Variants in CILP2 observed in about 807,000 individuals in gnomAD.
CILP2 encodes the protein CILP-2.
CILP2 carries 38 observed loss-of-function variants against 45.6 expected under a neutral mutation model. That is an observed-to-expected ratio of 0.83 (90% CI 0.64 to 1.09). The LOEUF is 1.09. CILP2 is among the 50% of genes least tolerant of loss of function. The pLI, the probability that CILP2 is intolerant of heterozygous loss-of-function variation, is 0.00. For synonymous variants in CILP2, 780 were observed against 723.5 expected (o/e 1.08, Z -1.25); for missense variants, 1,735 against 1,662.2 (o/e 1.04, Z -0.76).
rs2061248944 is a variant in CILP2, at chr19:19,542,710, C to G, written c.868+60C>G. On this transcript the variant is annotated intron_variant, in intron 5 of 7. Coordinates refer to ENST00000291495, the MANE Select transcript of CILP2 (RefSeq NM_153221.2). The stretch of plus-strand genomic sequence containing the variant: ...TGAGGATCTGGGGAGGAAGTTCTAG[C>G]ACTCGATCAAGAGAGGAAGAAATGA... 1.9e-6 allele frequency: 3 copies of G among 1,586,590 alleles called. No individual in the cohort carries two copies. The Admixed American group carries it at 5.1e-5, about 27-fold the overall frequency.
intron 2 of CILP2, 32 bp from the exon 3 acceptor site, chr19:19,540,172 C>A: frequency 6.6e-7 from 1 of 1,526,614 alleles, no homozygotes. Context: ...TACAGGCCGC[C>A]GCCCTGGTCC....
Position 19,545,514 on chromosome 19 carries a change from G to A in CILP2, c.2969G>A (p.Cys990Tyr), listed in dbSNP as rs1206885018. ...DPERPGTSAA[C>Y]VEFKCSGMLF... ...GAGCGTCCGGGCACCTCGGCAGCCT[G>A]CGTGGAGTTCAAGTGCAGCGGGATG... is the stretch of plus-strand genomic sequence containing the variant. The change falls in exon 8 of 8, where the codon TGC becomes TAC. Residue 990 changes from cysteine to tyrosine, a missense_variant. Coordinates refer to ENST00000291495, the MANE Select transcript of CILP2 (RefSeq NM_153221.2). 6.2e-7 allele frequency: 1 copy of A among 1,612,484 alleles called. No individual in the cohort carries two copies. Among genetic ancestry groups the A allele is most frequent in the Non-Finnish European group, 8.5e-7 (1 of 1,179,844 alleles).
Position 19,545,934 on chromosome 19 carries a change from G to A in CILP2, c.3389G>A (p.Arg1130His), listed in dbSNP as rs748108512. ...ESPATALGDI[R>H]REMSEAAQAQ... ...CCGGCGACAGCACTTGGTGACATCC[G>A]CAGGGAGATGAGCGAGGCGGCGCAG... The change falls in exon 8 of 8, where the codon CGC (arginine) becomes CAC (histidine). Residue 1130 changes from arginine to histidine, a missense_variant. By Grantham distance (29) the Arg-to-His change is conservative. Transcript: ENST00000291495. 2.5e-6 allele frequency: 4 copies of A among 1,574,192 alleles called. No homozygotes were observed. The African/African-American group carries it at 4.1e-5, about 16-fold the overall frequency.
chr19:19,543,774 T>G lies in CILP2; in HGVS notation c.1229T>G (p.Leu410Arg). 6.2e-7 allele frequency: 1 copy of G among 1,613,896 alleles called. No homozygotes were observed. Among genetic ancestry groups the G allele is most frequent in the South Asian group, 1.1e-5 (1 of 91,062 alleles). Residue 410 changes from leucine (L) to arginine (R), a missense_variant, in exon 8 of 8, where the codon CTG becomes CGG. Transcript: ENST00000291495. ...CGQPGSGPAY[L>R]DVGLCPDTRC... Reference sequence around the variant, plus strand: ...CAGCCAGGTAGTGGCCCTGCCTACCTGGATGTGGGCCTCTGTCCCGACACC... The same window carrying G: ...CAGCCAGGTAGTGGCCCTGCCTACCGGGATGTGGGCCTCTGTCCCGACACC...
Position 19,543,397 on chromosome 19 carries a change from C to T in CILP2, c.1127C>T (p.Thr376Ile), listed in dbSNP as rs1189563359. ...GTGCGCTCGGGCACTGCCCGGCTCA[C>T]TGTACTTGGTGAGTGTCCTTGGCCA... Reference protein sequence around the residue: ...GAVRSGTARLTVLAPGQPACD... With the variant: ...GAVRSGTARLIVLAPGQPACD... The change falls in exon 7 of 8, where the codon ACT becomes ATT. Residue 376 changes from threonine (T) to isoleucine (I), a missense_variant. Physicochemically the swap from Thr to Ile is moderately conservative, Grantham distance 89. Transcript: ENST00000291495. The T allele has an allele frequency of 3.7e-6, 6 of 1,613,100 alleles. No homozygotes were observed. The Admixed American group carries it at 8.3e-5, about 22-fold the overall frequency.
chr19:19,543,596 T>A, intron 7 of CILP2, 85 bp from the exon 8 acceptor site: 2 of 1,422,930 alleles, frequency 1.4e-6, no homozygotes, highest in Non-Finnish European at 1.9e-6. Flanking sequence ...TTAGGTGGAG[T>A]CCTTGACTGC....
At chr19:19,540,602 A>G in intron 3 of CILP2, 126 bp downstream of exon 3, 1 of 1,106,584 alleles carries the variant, frequency 9.0e-7, no homozygotes, top group Non-Finnish European at 1.2e-6. Flanking sequence ...GGCTGGGAAG[A>G]GCCGGGGGAC....
In CILP2 at chr19:19,544,961, A is replaced by T. The variant is rs774242977; in HGVS notation, c.2416A>T (p.Thr806Ser). The change falls in exon 8 of 8, where the codon ACC becomes TCC. Residue 806 changes from threonine to serine, a missense_variant. Physicochemically the swap from Thr to Ser is moderately conservative, Grantham distance 58. Transcript: ENST00000291495. The part of the protein sequence containing the change: ...FCDADRPDAY[T>S]ALVTATLGGE... Reference sequence around the variant, plus strand: ...CGACGCCGACAGGCCAGACGCCTACACCGCCCTGGTCACCGCCACCCTGGG... The same window carrying T: ...CGACGCCGACAGGCCAGACGCCTACTCCGCCCTGGTCACCGCCACCCTGGG... The T allele has an allele frequency of 2.5e-6, 4 of 1,596,734 alleles. No individual in the cohort carries two copies. The highest frequency in any genetic ancestry group is 3.4e-6 in the Non-Finnish European group (4 of 1,178,152).
rs748985389 is a variant in CILP2, at chr19:19,544,553, A to G, written c.2008A>G (p.Ile670Val). The G allele has an allele frequency of 3.2e-6, 5 of 1,580,410 alleles. No individual in the cohort carries two copies. Among genetic ancestry groups the G allele is most frequent in the Admixed American group, 1.7e-5 (1 of 57,414 alleles). Residue 670 changes from isoleucine (I) to valine (V), a missense_variant, in exon 8 of 8, where the codon ATC becomes GTC. By Grantham distance (29) the Ile-to-Val change is conservative. Transcript: ENST00000291495. Reference protein sequence around the residue: ...PVAVRVAASQIHMPGHVEALK... With the variant: ...PVAVRVAASQVHMPGHVEALK... ...GGCCGTGCGGGTGGCCGCCAGCCAG[A>G]TCCACATGCCAGGCCACGTGGAGGC...
Position 19,546,123 on chromosome 19 carries a change from C to A in CILP2, c.*107C>A. 1 of 868,244 alleles carries A rather than the reference C, an allele frequency of 1.2e-6. No individual in the cohort carries two copies. The highest frequency in any genetic ancestry group is 1.6e-6 in the Non-Finnish European group (1 of 619,834). 53.8% of individuals were successfully genotyped at this position (868,244 alleles called of 1,614,324 possible). On this transcript the variant is annotated 3_prime_UTR_variant, in exon 8 of 8. Coordinates refer to ENST00000291495, the MANE Select transcript of CILP2 (RefSeq NM_153221.2). Reference sequence around the variant, plus strand: ...AGCCCCCTCCCCAGGTGTCTGGGTCCCCTTTCCCGCCCCTTTCCAGAACTC... The same window carrying A: ...AGCCCCCTCCCCAGGTGTCTGGGTCACCTTTCCCGCCCCTTTCCAGAACTC...
Position 19,543,370 on chromosome 19 carries a change from C to T in CILP2, c.1100C>T (p.Ala367Val). The T allele has an allele frequency of 6.2e-7, 1 of 1,613,402 alleles. No homozygotes were observed. The highest frequency in any genetic ancestry group is 1.1e-5 in the South Asian group (1 of 91,084). The change falls in exon 7 of 8, where the codon GCC (alanine) becomes GTC (valine). Residue 367 changes from alanine (A) to valine (V), a missense_variant. Physicochemically the swap from Ala to Val is moderately conservative, Grantham distance 64 (BLOSUM62 0). Coordinates refer to ENST00000291495, the MANE Select transcript of CILP2 (RefSeq NM_153221.2). ...YHCKAWNEAG[A>V]VRSGTARLTV... Reference sequence around the variant, plus strand: ...TGCAAGGCATGGAATGAGGCGGGTGCCGTGCGCTCGGGCACTGCCCGGCTC... The same window carrying T: ...TGCAAGGCATGGAATGAGGCGGGTGTCGTGCGCTCGGGCACTGCCCGGCTC...
In CILP2 at chr19:19,544,571, G is replaced by A. The variant is rs549179237; in HGVS notation, c.2026G>A (p.Val676Met). 2.7e-5 allele frequency: 43 copies of A among 1,576,734 alleles called. No homozygotes were observed. Among genetic ancestry groups the A allele is most frequent in the Non-Finnish European group, 3.3e-5 (39 of 1,167,590 alleles). The change falls in exon 8 of 8, where the codon GTG becomes ATG. Residue 676 changes from valine to methionine, a missense_variant. Val to Met is a conservative substitution (Grantham distance 21). Transcript: ENST00000291495. Reference sequence around the variant, plus strand: ...CAGCCAGATCCACATGCCAGGCCACGTGGAGGCCCTCAAGCTGTGGTCGCT... The same window carrying A: ...CAGCCAGATCCACATGCCAGGCCACATGGAGGCCCTCAAGCTGTGGTCGCT... ...AASQIHMPGHVEALKLWSLNP... is the reference protein window; with the variant it reads ...AASQIHMPGHMEALKLWSLNP...
At chr19:19,539,126 G>T (rs972015619) in intron 1 of CILP2, among the ~76,000 whole-genome samples, 2 of 152,204 alleles carry the variant, frequency 1.3e-5, no homozygotes, top group Non-Finnish European at 2.9e-5. Context: ...CAGCCGGGGG[G>T]TTAGGGCTAG....
chr19:19,544,222 G>T lies in CILP2; in HGVS notation c.1677G>T (p.Pro559=), dbSNP rs548226283. The T allele has an allele frequency of 1.2e-6, 2 of 1,613,948 alleles. No individual in the cohort carries two copies. Among genetic ancestry groups the T allele is most frequent in the Admixed American group, 3.3e-5 (2 of 60,028 alleles). ...TCAAGGCCATGCGGAAGAAAGCCCC[G>T]GTCATTTTACATACCAGCCAGAGCA... The part of the protein sequence containing the change: ...HEVKAMRKKA[P]VILHTSQSNT... Residue 559 remains proline (P), a synonymous_variant, in exon 8 of 8, where the codon CCG becomes CCT. Coordinates refer to ENST00000291495, the MANE Select transcript of CILP2 (RefSeq NM_153221.2).
In CILP2 at chr19:19,539,794, C is replaced by A; in HGVS notation, c.163+17C>A. 1 of 1,556,094 alleles carries A rather than the reference C, an allele frequency of 6.4e-7. No homozygotes were observed. The highest frequency in any genetic ancestry group is 8.7e-7 in the Non-Finnish European group (1 of 1,147,320). Reference sequence around the variant, plus strand: ...ACTGGGAAGGTGAGTTAGCCTGCCTCGGAGTCCCGTCTCTGCTGCGGGCTT... The same window carrying A: ...ACTGGGAAGGTGAGTTAGCCTGCCTAGGAGTCCCGTCTCTGCTGCGGGCTT... On this transcript the variant is annotated intron_variant, in intron 2 of 7. Transcript: ENST00000291495.
intron 4 of CILP2, 131 bp downstream of exon 4, chr19:19,541,377 C>A: frequency 3.5e-6 from 3 of 859,438 alleles, no homozygotes; most frequent in Non-Finnish European, 3.1e-6. Context: ...TTCTCCTGAG[C>A]GATGCCTAGA....
intron 7 of CILP2, 72 bp downstream of exon 7, chr19:19,543,477 C>T: frequency 6.4e-7 from 1 of 1,561,588 alleles, no homozygotes; most frequent in South Asian, 1.2e-5. Flanking sequence ...TAAGCTCAAC[C>T]CCAAATGGAG....
chr19:19,545,834 G>C lies in CILP2; in HGVS notation c.3289G>C (p.Gly1097Arg), dbSNP rs765654456. ...CTCCAGAGAGATGAAGGCTGATGCC[G>C]GCACAGCCGTCACCTTCCAGTGCCG... The part of the protein sequence containing the change: ...GFSREMKADA[G>R]TAVTFQCREP... Residue 1097 changes from glycine (G) to arginine (R), a missense_variant, in exon 8 of 8, where the codon GGC becomes CGC. Gly to Arg is a moderately radical substitution (Grantham distance 125, BLOSUM62 -2). Transcript: ENST00000291495. 6.9e-6 allele frequency: 11 copies of C among 1,584,472 alleles called. No homozygotes were observed. The highest frequency in any genetic ancestry group is 6.7e-5 in the South Asian group (6 of 89,486).
rs926291904 is a variant in CILP2, at chr19:19,542,898, A to T, written c.903A>T (p.Arg301=). Residue 301 remains arginine, a synonymous_variant, in exon 6 of 8, where the codon CGA becomes CGT. Coordinates refer to ENST00000291495, the MANE Select transcript of CILP2 (RefSeq NM_153221.2). ...KPYLVKHPES[R]VREAGQNVTF... ...ACCTGGTGAAACACCCTGAGTCCCG[A>T]GTGCGAGAGGCTGGCCAGAATGTGA... 6.2e-7 allele frequency: 1 copy of T among 1,613,956 alleles called. No individual in the cohort carries two copies. The highest frequency in any genetic ancestry group is 8.5e-7 in the Non-Finnish European group (1 of 1,179,960).
Sources: allele counts gnomAD v4.1 joint callset (sites outside exome capture counted in the v4.1 genomes callset), GRCh38; gene constraint gnomAD v4.1.1; transcripts MANE v1.5; gene names NCBI Gene and HGNC (gene_info 2026-07-23, HGNC 2026-07-21).